CABCOCO1: variants seen among roughly 807,000 people sequenced by gnomAD.
The protein encoded by CABCOCO1 is ciliary associated calcium binding coiled-coil 1, also known as ciliary-associated calcium-binding coiled-coil protein 1.
In CABCOCO1, 28 loss-of-function variants were observed where a neutral mutation model predicts 35.7. The ratio of observed to expected loss-of-function variants is 0.78; its 90% confidence interval spans 0.58 to 1.07. The LOEUF (loss-of-function observed/expected upper bound fraction) is 1.07, where lower values mean the gene tolerates loss of function less well. Ranked by LOEUF, CABCOCO1 falls within the 50% of genes least tolerant of loss-of-function variation. The probability of loss-of-function intolerance (pLI) is 0.00; values close to 1 mark genes in which losing one functional copy is unlikely to be tolerated. For missense variants in CABCOCO1, 326 were observed against 309.2 expected (o/e 1.05, Z -0.41); for synonymous variants, 95 against 100.1 (o/e 0.95, Z 0.30).
chr10:61,683,745 A>G (rs1434672907), intron 3 of CABCOCO1, among the ~76,000 whole-genome samples: 1 of 152,174 alleles, frequency 6.6e-6, no homozygotes, highest in Non-Finnish European at 1.5e-5. Context: ...AATCTTTTAT[A>G]TTTTAATCAC....
intron 5 of CABCOCO1, among the ~76,000 whole-genome samples, chr10:61,756,636 A>G (rs1176076947): frequency 6.6e-6 from 1 of 152,100 alleles, no homozygotes; most frequent in Non-Finnish European, 1.5e-5. Flanking sequence ...AGTCAAGCAA[A>G]ACCAATCATT....
chr10:61,708,364 T>C (rs1840644341), intron 5 of CABCOCO1, among the ~76,000 whole-genome samples: 1 of 152,054 alleles, frequency 6.6e-6, no homozygotes, highest in Non-Finnish European at 1.5e-5. Context: ...TAACTGCAGG[T>C]TTGCAGTAGG....
intron 3 of CABCOCO1, among the ~76,000 whole-genome samples, 153 bp downstream of exon 3, chr10:61,681,465 T>G (rs1157555113): frequency 6.6e-6 from 1 of 152,136 alleles, no homozygotes; most frequent in African/African-American, 2.4e-5. Context: ...CTATCTCCAT[T>G]GAGTTATAAA....
chr10:61,686,583 T>G (rs1839973522), intron 4 of CABCOCO1, among the ~76,000 whole-genome samples: 1 of 152,224 alleles, frequency 6.6e-6, no homozygotes, highest in Admixed American at 6.5e-5. Context: ...TCTTTCCAAC[T>G]ACCTAATTCT....
At chr10:61,686,016 A>C (rs1187118847) in intron 3 of CABCOCO1, 25 bp from the exon 4 acceptor site, 1 of 1,569,428 alleles carries the variant, frequency 6.4e-7, no homozygotes, top group Non-Finnish European at 8.6e-7. Flanking sequence ...AATAATAATT[A>C]AGATTTCTCT....
At chr10:61,668,141 TTA>T (rs1487234757) in intron 1 of CABCOCO1, among the ~76,000 whole-genome samples, 1 of 151,940 alleles carries the variant, frequency 6.6e-6, no homozygotes. Context: ...GACATAAAAA[TTA>T]TATTAGACCT....
At chr10:61,719,696 G>C (rs1840951631) in intron 5 of CABCOCO1, among the ~76,000 whole-genome samples, 1 of 152,058 alleles carries the variant, frequency 6.6e-6, no homozygotes, top group African/African-American at 2.4e-5. Context: ...CCGAGAGGTG[G>C]ATCACCCGAG....
chr10:61,667,681 T>C (rs1455036750), intron 1 of CABCOCO1, among the ~76,000 whole-genome samples: 1 of 151,902 alleles, frequency 6.6e-6, no homozygotes, highest in Non-Finnish European at 1.5e-5. Context: ...AATTAGCTTC[T>C]TGTATAGGAA....
chr10:61,682,038 C>G (rs1346032140), intron 3 of CABCOCO1, among the ~76,000 whole-genome samples: 1 of 152,084 alleles, frequency 6.6e-6, no homozygotes, highest in Non-Finnish European at 1.5e-5. Context: ...CATGGACAGT[C>G]CTAAGCTTTG....
At chr10:61,752,595 T>C (rs1324399177) in intron 5 of CABCOCO1, among the ~76,000 whole-genome samples, 6 of 152,210 alleles carry the variant, frequency 3.9e-5, no homozygotes, top group Non-Finnish European at 7.3e-5. Flanking sequence ...TCGTGGTCTC[T>C]TATTTCCTTG....
intron 5 of CABCOCO1, among the ~76,000 whole-genome samples, chr10:61,742,744 C>A: frequency 6.6e-6 from 1 of 152,096 alleles, no homozygotes; most frequent in Non-Finnish European, 1.5e-5. Context: ...GGTTTTCCTG[C>A]CAATACAGAC....
chr10:61,713,228 T>G (rs184936921), intron 5 of CABCOCO1, among the ~76,000 whole-genome samples: 6 of 152,192 alleles, frequency 3.9e-5, no homozygotes, highest in Non-Finnish European at 7.4e-5. Flanking sequence ...TCACATCCCT[T>G]GTAAGTTGGA....
intron 5 of CABCOCO1, among the ~76,000 whole-genome samples, chr10:61,746,058 C>T (rs1166205299): frequency 6.6e-6 from 1 of 152,196 alleles, no homozygotes; most frequent in African/African-American, 2.4e-5. Context: ...CTGAGTTACA[C>T]AAAGGAGTCT....
chr10:61,719,202 G>C (rs1219037663), intron 5 of CABCOCO1, among the ~76,000 whole-genome samples: 1 of 152,062 alleles, frequency 6.6e-6, no homozygotes, highest in South Asian at 2.1e-4. Context: ...TTGAGTCTTA[G>C]AAAAACAAAT....
chr10:61,744,053 A>G (rs1195461992), intron 5 of CABCOCO1, among the ~76,000 whole-genome samples: 1 of 152,180 alleles, frequency 6.6e-6, no homozygotes, highest in Non-Finnish European at 1.5e-5. Flanking sequence ...TCCATGACCT[A>G]GTACCGTACT....
intron 5 of CABCOCO1, among the ~76,000 whole-genome samples, chr10:61,756,204 A>C (rs1204983833): frequency 6.6e-6 from 1 of 152,068 alleles, no homozygotes; most frequent in African/African-American, 2.4e-5. Context: ...TTCAACTTTA[A>C]ATACCGTAGC....
At chr10:61,744,144 GA>G (rs531421544) in intron 5 of CABCOCO1, among the ~76,000 whole-genome samples, 2 of 152,062 alleles carry the variant, frequency 1.3e-5, no homozygotes, top group Non-Finnish European at 2.9e-5. Flanking sequence ...CTTGTTTTCT[GA>G]AAAAATATGA....
chr10:61,673,498 C>G (rs1195769929), intron 2 of CABCOCO1, among the ~76,000 whole-genome samples: 2 of 152,172 alleles, frequency 1.3e-5, no homozygotes, highest in East Asian at 3.8e-4. Context: ...CCTTGGGACA[C>G]AAACAGGGTG....
chr10:61,763,197 C>T (rs1000512994), intron 7 of CABCOCO1, among the ~76,000 whole-genome samples: 2 of 152,030 alleles, frequency 1.3e-5, no homozygotes, highest in Non-Finnish European at 2.9e-5. Flanking sequence ...AAAAAAAAGG[C>T]AGTAAATAAT....
Sources: gnomAD v4.1 joint callset for allele counts (sites outside exome capture counted in the v4.1 genomes callset) on GRCh38, gnomAD v4.1.1 for gene constraint, MANE v1.5 for transcripts, NCBI Gene and HGNC (gene_info 2026-07-23, HGNC 2026-07-21) for gene names.